Variants in HELLS observed in about 807,000 individuals in gnomAD.
HELLS encodes helicase, lymphoid specific.
A neutral mutation model predicts 120.0 loss-of-function variants in HELLS; 32 were observed. That is an observed-to-expected ratio of 0.27 (90% CI 0.20 to 0.36). HELLS has a LOEUF of 0.36. Among genes scored for constraint, HELLS ranks in the 10% least tolerant of loss-of-function variants. The probability of loss-of-function intolerance (pLI) is 1.00; values close to 1 mark genes in which losing one functional copy is unlikely to be tolerated. For synonymous variants in HELLS, 341 were observed against 323.4 expected (o/e 1.05, Z -0.58); for missense variants, 650 against 993.4 (o/e 0.65, Z 4.65).
At chr10:94,569,855 G>A (rs1589725813) in intron 6 of HELLS, 1 of 152,110 alleles carries the variant, frequency 6.6e-6, no homozygotes, top group Middle Eastern at 3.2e-3. Context: ...GATCTAGAGT[G>A]TCTCTCATCT....
rs111687490 is a variant in HELLS, at chr10:94,575,900, C to T, written c.889-762C>T. Among the ~76,000 whole-genome samples the T allele has an allele frequency of 2.8e-3, 429 of 151,588 alleles. 1 individual carries two copies. The highest frequency in any genetic ancestry group is 4.1e-3 in the African/African-American group (169 of 41,310). On this transcript the variant is annotated intron_variant, in intron 9 of 21. Coordinates refer to ENST00000348459, the MANE Select transcript of HELLS (RefSeq NM_018063.5). ...GCAACCTCCGCCTCCCGGGTTCAAG[C>T]GATTCTCCTGTCTCAGCCTCCCAGG...
intron 21 of HELLS, among the ~76,000 whole-genome samples, chr10:94,598,683 A>G (rs1242399400): frequency 6.8e-6 from 1 of 147,342 alleles, no homozygotes; most frequent in African/African-American, 2.5e-5. Context: ...TCACTTACTT[A>G]CTTAGTATCT....
At chr10:94,595,942 A>ATT (rs768665721) in intron 19 of HELLS, among the ~76,000 whole-genome samples, 4 of 152,168 alleles carry the variant, frequency 2.6e-5, no homozygotes, top group Admixed American at 6.5e-5. Flanking sequence ...GACAAAATTA[A>ATT]TTTGGTGAAA....
chr10:94,555,359 C>T (rs111244202), intron 3 of HELLS, among the ~76,000 whole-genome samples: 1,915 of 152,184 alleles, frequency 0.013, 23 homozygotes, highest in Middle Eastern at 0.027. Context: ...ATCGCTTGAA[C>T]CCAGGAGGCG....
At chr10:94,589,510 A>G (rs1845352472) in intron 13 of HELLS, among the ~76,000 whole-genome samples, 1 of 152,010 alleles carries the variant, frequency 6.6e-6, no homozygotes, top group Non-Finnish European at 1.5e-5. Context: ...CCACCATATT[A>G]TAGGAGATAG....
chr10:94,545,942 GGGCAGC>G lies in HELLS; in HGVS notation c.25_30del (p.Ser9_Gly10del). 6.4e-7 allele frequency: 1 copy of G among 1,556,046 alleles called. No homozygotes were observed. Among genetic ancestry groups the G allele is most frequent in the South Asian group, 1.2e-5 (1 of 84,408 alleles). The stretch of plus-strand genomic sequence containing the variant: ...CAGGCATGCCAGCGGAACGGCCCGC[GGGCAGC>G]GGCGGTGAGTGAGGAAAACCTTTTG... On this transcript the variant is annotated inframe_deletion, in exon 1 of 22. Coordinates refer to ENST00000348459, the MANE Select transcript of HELLS (RefSeq NM_018063.5).
At chr10:94,573,815 A>G in intron 7 of HELLS, 145 bp from the exon 8 acceptor site, 1 of 534,632 alleles carries the variant, frequency 1.9e-6, no homozygotes, top group Non-Finnish European at 3.3e-6. Context: ...CGATGTCTCC[A>G]GTTTTTTAAT....
intron 21 of HELLS, among the ~76,000 whole-genome samples, chr10:94,598,379 A>C (rs528442983): frequency 1.7e-4 from 26 of 152,236 alleles, no homozygotes; most frequent in African/African-American, 6.3e-4. Flanking sequence ...TTGCAGCCTA[A>C]AAGTCCTGGG....
At chr10:94,604,124 C>CTT (rs1197097813), downstream of HELLS, among the ~76,000 whole-genome samples, 215 of 130,384 alleles carry the variant, frequency 1.6e-3, no homozygotes, top group Middle Eastern at 7.9e-3. Context: ...CCACATCTGG[C>CTT]TTTTTTTTTT....
chr10:94,601,447 TA>T, intron 21 of HELLS, 80 bp from the exon 22 acceptor site: 1 of 774,180 alleles, frequency 1.3e-6, no homozygotes, highest in African/African-American at 1.8e-5. Flanking sequence ...TCACTTCTCA[TA>T]ACATCATATT....
rs1161791936 is a variant in HELLS, at chr10:94,561,914, G to A, written c.334-777G>A. On this transcript the variant is annotated intron_variant, in intron 4 of 21. Coordinates refer to ENST00000348459, the MANE Select transcript of HELLS (RefSeq NM_018063.5). The stretch of plus-strand genomic sequence containing the variant: ...CCTTCAATACCCTACCTATTGAAGG[G>A]TATTCCTTCAATACCCTACCCTACA... 2.0e-5 allele frequency among the ~76,000 whole-genome samples: 3 copies of A among 151,528 alleles called. No individual in the cohort carries two copies. In the East Asian group the frequency reaches 5.9e-4, roughly 30 times the overall value.
At chr10:94,607,760 T>G (rs2134144856) in intron 8 of HELLS, 1 of 153,478 alleles carries the variant, frequency 6.5e-6, no homozygotes, top group East Asian at 1.9e-4. Context: ...AGTCTTGCTC[T>G]GTCGCCTAGG....
chr10:94,550,743 A>G (rs952980121), intron 2 of HELLS, among the ~76,000 whole-genome samples: 1 of 152,062 alleles, frequency 6.6e-6, no homozygotes, highest in Non-Finnish European at 1.5e-5. Flanking sequence ...TTAAAAAACT[A>G]GCCGGCATGG....
chr10:94,566,383 G>A (rs1050625009), intron 6 of HELLS, among the ~76,000 whole-genome samples: 1 of 152,122 alleles, frequency 6.6e-6, no homozygotes, highest in Non-Finnish European at 1.5e-5. Flanking sequence ...AGAAATAATA[G>A]CATTGAACAA....
chr10:94,574,876 T>C (rs1235712282), intron 9 of HELLS, 140 bp downstream of exon 9: 2 of 617,900 alleles, frequency 3.2e-6, no homozygotes, highest in Non-Finnish European at 5.4e-6. Context: ...TTACTCAATC[T>C]GCACAATACC....
intron 10 of HELLS, chr10:94,577,139 A>G (rs1027592718): frequency 1.9e-5 from 8 of 431,142 alleles, no homozygotes; most frequent in Non-Finnish European, 3.5e-5. Context: ...TTTTAATCAA[A>G]TAAGAGTATT....
intron 2 of HELLS, among the ~76,000 whole-genome samples, chr10:94,553,600 G>A (rs1335263241): frequency 7.2e-6 from 1 of 138,500 alleles, no homozygotes; most frequent in Non-Finnish European, 1.5e-5. Flanking sequence ...TGTTTGGAGT[G>A]CAGTGGCATG....
chr10:94,570,042 T>A (rs542359669), intron 6 of HELLS: 12 of 151,616 alleles, frequency 7.9e-5, no homozygotes, highest in Admixed American at 3.3e-4. Context: ...TTTTTTTTTT[T>A]ATTTTTATTT....
intron 13 of HELLS, among the ~76,000 whole-genome samples, chr10:94,588,851 T>C (rs1401471715): frequency 6.6e-6 from 1 of 152,134 alleles, no homozygotes; most frequent in African/African-American, 2.4e-5. Flanking sequence ...TCTGGAATAC[T>C]TACTAAAAAT....
Sources: gnomAD v4.1 joint callset for allele counts (sites outside exome capture counted in the v4.1 genomes callset) on GRCh38, gnomAD v4.1.1 for gene constraint, MANE v1.5 for transcripts, NCBI Gene and HGNC (gene_info 2026-07-23, HGNC 2026-07-21) for gene names.